The following FAM163A variants were observed in gnomAD, a reference collection of about 807,000 sequenced individuals.
FAM163A encodes protein FAM163A.
In FAM163A, 7 loss-of-function variants were observed where a neutral mutation model predicts 12.0. The ratio of observed to expected loss-of-function variants is 0.58; its 90% CI spans 0.33 to 1.10. FAM163A has a LOEUF of 1.10. Ranked by LOEUF, FAM163A falls within the 50% of genes least tolerant of loss-of-function variation. The pLI is 0.03. For synonymous variants in FAM163A, 101 were observed against 91.0 expected (o/e 1.11, Z -0.62); for missense variants, 202 against 218.6 (o/e 0.92, Z 0.48).
rs1240324316 is a variant in FAM163A at position 179,814,445 on chromosome 1, G to T, written c.*256G>T. 4 of 499,406 alleles carry T rather than the reference G, an allele frequency of 8.0e-6. No individual in the cohort carries two copies. Among genetic ancestry groups the T allele is most frequent in the Non-Finnish European group, 1.4e-5 (4 of 285,488 alleles). The allele number at this position is 499,406 out of a possible 1,614,324, so 30.9% of individuals were successfully genotyped here. On this transcript the variant is annotated 3_prime_UTR_variant, in exon 5 of 5. Transcript: ENST00000341785. Reference sequence around the variant, plus strand: ...GCAGCTTCGCCAGTTTCTTGGTTGGGACACTCCTCTGGCAGCCCCAGCACC... The same window carrying T: ...GCAGCTTCGCCAGTTTCTTGGTTGGTACACTCCTCTGGCAGCCCCAGCACC...
At chr1:179,766,232 T>C (rs1031935903) in intron 1 of FAM163A, among the ~76,000 whole-genome samples, 1 of 152,164 alleles carries the variant, frequency 6.6e-6, no homozygotes, top group Non-Finnish European at 1.5e-5. Flanking sequence ...CAAAGCCAAC[T>C]ATGAAACCTA....
chr1:179,745,895 G>A (rs546704908), intron 1 of FAM163A, among the ~76,000 whole-genome samples: 1 of 152,270 alleles, frequency 6.6e-6, no homozygotes, highest in South Asian at 2.1e-4. Flanking sequence ...AGACACACAT[G>A]TGGTAGCTGG....
At chr1:179,809,955 A>G (rs1188381987) in intron 2 of FAM163A, among the ~76,000 whole-genome samples, 1 of 152,174 alleles carries the variant, frequency 6.6e-6, no homozygotes, top group African/African-American at 2.4e-5. Context: ...GGTCTCGAAC[A>G]GTGACGCTCA....
chr1:179,810,382 C>G (rs968620513), intron 2 of FAM163A, among the ~76,000 whole-genome samples: 1 of 152,182 alleles, frequency 6.6e-6, no homozygotes, highest in African/African-American at 2.4e-5. Context: ...TCAAAAGCCC[C>G]GTCAGGAAAC....
In FAM163A at chr1:179,783,732, A is replaced by ATATATATAT. The variant is rs1557940057; in HGVS notation, c.-135-24066_-135-24065insTATATATAT. ...TTTTTATACTTCCCAAATTTTATAT[A>ATATATATAT]ATTGAGCCCAAATATTATATATATA... is the stretch of plus-strand genomic sequence containing the variant. On this transcript the variant is annotated intron_variant, in intron 1 of 4. Coordinates refer to ENST00000341785, the MANE Select transcript of FAM163A (RefSeq NM_173509.3). Among the ~76,000 whole-genome samples the ATATATATAT allele has an allele frequency of 2.2e-3, 169 of 75,980 alleles. 1 individual carries two copies. Among genetic ancestry groups the ATATATATAT allele is most frequent in the African/African-American group, 0.011 (146 of 13,232 alleles). 49.8% of individuals were successfully genotyped at this position (75,980 alleles called of 152,430 possible).
In FAM163A at chr1:179,813,788, T is replaced by C; in HGVS notation, c.103T>C (p.Cys35Arg). 1 of 1,613,884 alleles carries C rather than the reference T, an allele frequency of 6.2e-7. No homozygotes were observed. Among genetic ancestry groups the C allele is most frequent in the Non-Finnish European group, 8.5e-7 (1 of 1,179,998 alleles). Residue 35 changes from cysteine to arginine, a missense_variant, in exon 5 of 5, where the codon TGC (cysteine) becomes CGC (arginine). Physicochemically the swap from Cys to Arg is radical, Grantham distance 180 (BLOSUM62 -3). Coordinates refer to ENST00000341785, the MANE Select transcript of FAM163A (RefSeq NM_173509.3). Reference protein sequence around the residue: ...LCYCRLQYYCCKKSGTEVADE... With the variant: ...LCYCRLQYYCRKKSGTEVADE... The stretch of plus-strand genomic sequence containing the variant: ...CTGCCCTTCCGCACAGTATTACTGC[T>C]GCAAGAAGAGCGGAACCGAGGTTGC...
rs1695148542 is a variant in FAM163A, at chr1:179,814,713, A to G, written c.*524A>G. 1 of 156,614 alleles carries G rather than the reference A, an allele frequency of 6.4e-6. No homozygotes were observed. The highest frequency in any genetic ancestry group is 1.9e-4 in the South Asian group (1 of 5,200). 9.7% of individuals were successfully genotyped at this position (156,614 alleles called of 1,614,324 possible). On this transcript the variant is annotated 3_prime_UTR_variant, in exon 5 of 5. Transcript: ENST00000341785. ...GGACGCGCTTGCTGAAACGACTCCA[A>G]CAGCTAGTTCACAGCCCAGCTTTGT...
intron 1 of FAM163A, among the ~76,000 whole-genome samples, chr1:179,753,192 TA>T (rs762753191): frequency 2.6e-5 from 4 of 152,200 alleles, no homozygotes; most frequent in Non-Finnish European, 5.9e-5. Flanking sequence ...GACATTATAC[TA>T]AGTAAAATAA....
chr1:179,747,389 G>A (rs887930654), intron 1 of FAM163A, among the ~76,000 whole-genome samples: 2 of 152,200 alleles, frequency 1.3e-5, no homozygotes, highest in South Asian at 4.1e-4. Context: ...TACACAAAGG[G>A]GATGGGGGAG....
chr1:179,803,726 G>C (rs866316435), intron 1 of FAM163A, among the ~76,000 whole-genome samples: 1 of 151,542 alleles, frequency 6.6e-6, no homozygotes, highest in Admixed American at 6.6e-5. Context: ...GTGCTACCAC[G>C]CCCGGCTAAT....
intron 2 of FAM163A, among the ~76,000 whole-genome samples, chr1:179,811,649 A>G (rs897322963): frequency 6.6e-6 from 1 of 152,212 alleles, no homozygotes; most frequent in Non-Finnish European, 1.5e-5. Flanking sequence ...AGTGGTGGAC[A>G]TGTGATATCT....
chr1:179,792,283 T>TTTTTTGTGTG, intron 1 of FAM163A, among the ~76,000 whole-genome samples: 1 of 133,658 alleles, frequency 7.5e-6, no homozygotes, highest in African/African-American at 2.8e-5. Flanking sequence ...CCATATCTGA[T>TTTTTTGTGTG]TGTGTGTGTG....
intron 1 of FAM163A, among the ~76,000 whole-genome samples, chr1:179,749,627 G>T (rs559120286): frequency 1.3e-5 from 2 of 152,178 alleles, no homozygotes; most frequent in Admixed American, 6.5e-5. Flanking sequence ...CAAGGCAGGC[G>T]GATTGCTTGA....
intron 2 of FAM163A, among the ~76,000 whole-genome samples, chr1:179,810,432 C>T (rs75621262): frequency 0.016 from 2,418 of 152,244 alleles, 30 homozygotes; most frequent in African/African-American, 0.036. Context: ...ATTCCTTGAC[C>T]GGGTTGCAGC....
At chr1:179,762,360 G>T (rs2148053209) in intron 1 of FAM163A, among the ~76,000 whole-genome samples, 1 of 152,226 alleles carries the variant, frequency 6.6e-6, no homozygotes, top group South Asian at 2.1e-4. Flanking sequence ...GATCATGCTG[G>T]GTATGTGGGT....
chr1:179,738,476 A>G (rs1683255096), upstream of FAM163A, among the ~76,000 whole-genome samples: 1 of 152,182 alleles, frequency 6.6e-6, no homozygotes, highest in African/African-American at 2.4e-5. Context: ...TAAAAAATCT[A>G]AAAACCAAGA....
intron 1 of FAM163A, among the ~76,000 whole-genome samples, chr1:179,766,569 T>G (rs1687528631): frequency 6.6e-6 from 1 of 152,240 alleles, no homozygotes; most frequent in South Asian, 2.1e-4. Context: ...CAGATACACA[T>G]GTTAAATAAA....
In FAM163A at chr1:179,813,112, G is replaced by C. The variant is rs1694931170; in HGVS notation, c.15G>C (p.Thr5=). 1.3e-6 allele frequency: 2 copies of C among 1,551,854 alleles called. No homozygotes were observed. Among genetic ancestry groups the C allele is most frequent in the Non-Finnish European group, 1.7e-6 (2 of 1,147,048 alleles). ...GCGCCGGGCGGATGACAGCGGGAACGGTTGTGATCACTGGCGGAATCCTAG... is the reference window on the plus strand; with the variant it reads ...GCGCCGGGCGGATGACAGCGGGAACCGTTGTGATCACTGGCGGAATCCTAG... MTAG[T]VVITGGILAT... Residue 5 remains threonine, a synonymous_variant, in exon 4 of 5, where the codon ACG becomes ACC. Coordinates refer to ENST00000341785, the MANE Select transcript of FAM163A (RefSeq NM_173509.3).
rs747283916 is a variant in FAM163A, at chr1:179,813,800, G to A, written c.115G>A (p.Gly39Arg). ...RLQYYCCKKS[G>R]TEVADEEEER... ...ACAGTATTACTGCTGCAAGAAGAGC[G>A]GAACCGAGGTTGCAGACGAGGAGGA... Residue 39 changes from glycine to arginine, a missense_variant, in exon 5 of 5, where the codon GGA becomes AGA. Transcript: ENST00000341785. 2.4e-5 allele frequency: 39 copies of A among 1,613,858 alleles called. No homozygotes were observed. Among genetic ancestry groups the A allele is most frequent in the South Asian group, 2.1e-4 (19 of 91,088 alleles).
Sources: gnomAD v4.1 joint callset for allele counts (sites outside exome capture counted in the v4.1 genomes callset) on GRCh38, gnomAD v4.1.1 for gene constraint, MANE v1.5 for transcripts, NCBI Gene and HGNC (gene_info 2026-07-23, HGNC 2026-07-21) for gene names.